The following NR5A2 variants were observed in gnomAD, a reference collection of about 807,000 sequenced individuals.
NR5A2 encodes the protein CYP7A promoter-binding factor.
A neutral mutation model predicts 62.7 loss-of-function variants in NR5A2; 26 were observed. That is an observed-to-expected ratio of 0.41 (90% CI 0.30 to 0.58). NR5A2 has a LOEUF of 0.58. Among genes scored for constraint, NR5A2 ranks in the 20% least tolerant of loss-of-function variants. NR5A2 has a pLI of 0.22. For missense variants in NR5A2, 541 were observed against 669.1 expected, an observed-to-expected ratio of 0.81 and a Z score of 2.11; for synonymous variants, 246 against 241.7, an observed-to-expected ratio of 1.02 and a Z score of -0.16.
intron 7 of NR5A2, among the ~76,000 whole-genome samples, chr1:200,158,738 A>G (rs1047914181): frequency 6.6e-6 from 1 of 152,278 alleles, no homozygotes; most frequent in Non-Finnish European, 1.5e-5. Flanking sequence ...CAATTTCCGA[A>G]GTAGCATAGA....
At chr1:200,096,179 T>C (rs536820955) in intron 5 of NR5A2, among the ~76,000 whole-genome samples, 6 of 152,114 alleles carry the variant, frequency 3.9e-5, no homozygotes, top group Middle Eastern at 3.4e-3. Context: ...CCTCTGCCTC[T>C]GGGGTTCAAG....
At chr1:200,036,800 G>C (rs908920473) in intron 1 of NR5A2, among the ~76,000 whole-genome samples, 1 of 152,126 alleles carries the variant, frequency 6.6e-6, no homozygotes, top group African/African-American at 2.4e-5. Context: ...GTTTTCTCTC[G>C]CTCGAGACTT....
At chr1:200,041,156 G>C (rs1264323832) in intron 2 of NR5A2, among the ~76,000 whole-genome samples, 1 of 152,182 alleles carries the variant, frequency 6.6e-6, no homozygotes, top group Non-Finnish European at 1.5e-5. Flanking sequence ...GGGTGAGGCC[G>C]GCACGATTCT....
chr1:200,104,016 A>G (rs1457937842), intron 5 of NR5A2, among the ~76,000 whole-genome samples: 2 of 152,172 alleles, frequency 1.3e-5, no homozygotes, highest in Admixed American at 1.3e-4. Flanking sequence ...TAGAAAAGAG[A>G]GAGTCCAGAT....
chr1:200,142,185 CTTCTTTTTTT>C lies in NR5A2; in HGVS notation c.1378+21233_1378+21242del, dbSNP rs1440686408. ...GAATAATTGTTTTTTGTTTTAAAGA[CTTCTTTTTTT>C]TTTTTTTTTTTTTTTTTTTTTTAAG... On this transcript the variant is annotated intron_variant, in intron 7 of 7. Transcript: ENST00000367362. 5.8e-5 allele frequency among the ~76,000 whole-genome samples: 5 copies of C among 86,620 alleles called. No homozygotes were observed. In the South Asian group the frequency reaches 1.6e-3, roughly 28 times the overall value. 56.8% of individuals were successfully genotyped at this position (86,620 alleles called of 152,430 possible).
rs76894039 is a variant in NR5A2 at position 200,111,336 on chromosome 1, CA to C, written c.1230+30del. 0.12 allele frequency: 160,994 copies of C among 1,296,592 alleles called. 39 individuals are homozygous for C. Among genetic ancestry groups the C allele is most frequent in the South Asian group, 0.17 (11,279 of 65,660 alleles). 80.3% of individuals were successfully genotyped at this position (1,296,592 alleles called of 1,614,324 possible). On this transcript the variant is annotated intron_variant, in intron 6 of 7. Transcript: ENST00000367362. ...CTGGGCAACAAGTGAGTGTAGAGAC[CA>C]AAAAAAAAAAAAAAGCATCTTTTTA...
At chr1:200,074,401 GAAAAGAAAAAA>G (rs573052475) in intron 5 of NR5A2, among the ~76,000 whole-genome samples, 1,933 of 104,328 alleles carry the variant, frequency 0.019, 39 homozygotes, top group African/African-American at 0.061. Flanking sequence ...TAATCTAAAA[GAAAAGAAAAAA>G]AAAAGAAAAA....
In NR5A2 at chr1:200,174,246, AAG is replaced by A; in HGVS notation, c.*40_*41del. 6.7e-7 allele frequency: 1 copy of A among 1,499,080 alleles called. No homozygotes were observed. Among genetic ancestry groups the A allele is most frequent in the Non-Finnish European group, 8.9e-7 (1 of 1,122,834 alleles). 92.9% of individuals were successfully genotyped at this position (1,499,080 alleles called of 1,614,324 possible). A position where few individuals can be genotyped will look rare whatever the true frequency, so the allele number is the denominator to read the frequency against. ...CTAGGAGCTCTGCTTTCAAAACAAA[AAG>A]AGATTGGGGGAGTGGGGAGGGGGAA... On this transcript the variant is annotated 3_prime_UTR_variant, in exon 8 of 8. Coordinates refer to ENST00000367362, the MANE Select transcript of NR5A2 (RefSeq NM_205860.3).
chr1:200,082,249 A>G (rs1025395273), intron 5 of NR5A2, among the ~76,000 whole-genome samples: 4 of 152,274 alleles, frequency 2.6e-5, no homozygotes, highest in African/African-American at 9.6e-5. Context: ...AAAGATGCTT[A>G]AAACAGACTT....
At chr1:200,113,084 A>G (rs1666036868) in intron 6 of NR5A2, among the ~76,000 whole-genome samples, 2 of 152,378 alleles carry the variant, frequency 1.3e-5, no homozygotes, top group South Asian at 4.1e-4. Context: ...AAGAACAATC[A>G]AGGAATGGAT....
chr1:200,128,876 T>C (rs1385066305), intron 7 of NR5A2, among the ~76,000 whole-genome samples: 1 of 152,220 alleles, frequency 6.6e-6, no homozygotes, highest in African/African-American at 2.4e-5. Context: ...TAAAAGTCTT[T>C]TAGATAGGGA....
chr1:200,174,250 G>A lies in NR5A2; in HGVS notation c.*40G>A. 3 of 1,476,712 alleles carry A rather than the reference G, an allele frequency of 2.0e-6. No homozygotes were observed. Among genetic ancestry groups the A allele is most frequent in the Non-Finnish European group, 9.0e-7 (1 of 1,111,522 alleles). The allele number at this position is 1,476,712 out of a possible 1,614,324, so 91.5% of individuals were successfully genotyped here. A position where few individuals can be genotyped will look rare whatever the true frequency, so the allele number is the denominator to read the frequency against. On this transcript the variant is annotated 3_prime_UTR_variant, in exon 8 of 8. Transcript: ENST00000367362. Reference sequence around the variant, plus strand: ...GAGCTCTGCTTTCAAAACAAAAAGAGATTGGGGGAGTGGGGAGGGGGAAGA... The same window carrying A: ...GAGCTCTGCTTTCAAAACAAAAAGAAATTGGGGGAGTGGGGAGGGGGAAGA...
intron 5 of NR5A2, among the ~76,000 whole-genome samples, chr1:200,051,919 C>T (rs746605791): frequency 4.6e-5 from 7 of 151,948 alleles, no homozygotes; most frequent in East Asian, 1.9e-4. Context: ...ATCACACGGG[C>T]GCACACACAC....
Position 200,166,473 on chromosome 1 carries a change from G to A in NR5A2, c.1379-7490G>A, listed in dbSNP as rs1256454252. The stretch of plus-strand genomic sequence containing the variant: ...TTACATGCCAATTTAAATGTCAAAT[G>A]TATATTATTTCATTCAAATTATCTG... On this transcript the variant is annotated intron_variant, in intron 7 of 7. Transcript: ENST00000367362. Among the ~76,000 whole-genome samples the A allele has an allele frequency of 5.9e-5, 9 of 152,166 alleles. No homozygotes were observed. The South Asian group carries it at 1.5e-3, about 25-fold the overall frequency.
intron 5 of NR5A2, among the ~76,000 whole-genome samples, chr1:200,089,399 G>A (rs1031497779): frequency 6.6e-6 from 1 of 152,064 alleles, no homozygotes; most frequent in Non-Finnish European, 1.5e-5. Context: ...GTCCTCAAGT[G>A]ATCCGCCTCA....
Position 200,174,667 on chromosome 1 carries a change from A to G in NR5A2, c.*457A>G, listed in dbSNP as rs1387505343. On this transcript the variant is annotated 3_prime_UTR_variant, in exon 8 of 8. Coordinates refer to ENST00000367362, the MANE Select transcript of NR5A2 (RefSeq NM_205860.3). ...AGCTGAACTGAAACAATTCTCAAGA[A>G]TGCATCAGCTGTACCTACAATAGCC... 2 of 153,012 alleles carry G rather than the reference A, an allele frequency of 1.3e-5. No individual in the cohort carries two copies. The highest frequency in any genetic ancestry group is 4.8e-5 in the African/African-American group (2 of 41,458). 9.5% of individuals were successfully genotyped at this position (153,012 alleles called of 1,614,324 possible). A position where few individuals can be genotyped will look rare whatever the true frequency, so the allele number is the denominator to read the frequency against.
intron 5 of NR5A2, among the ~76,000 whole-genome samples, chr1:200,063,565 A>C (rs183906517): frequency 3.3e-5 from 5 of 152,174 alleles, no homozygotes; most frequent in African/African-American, 1.2e-4. Context: ...TTATCAATGA[A>C]GTGTTATAAT....
chr1:200,044,722 T>C (rs1463121426), intron 3 of NR5A2, among the ~76,000 whole-genome samples: 1 of 152,158 alleles, frequency 6.6e-6, no homozygotes, highest in African/African-American at 2.4e-5. Context: ...GGGTTAAATA[T>C]GAATACTATC....
At chr1:200,090,976 C>T (rs1467979627) in intron 5 of NR5A2, among the ~76,000 whole-genome samples, 7 of 152,182 alleles carry the variant, frequency 4.6e-5, no homozygotes, top group Non-Finnish European at 8.8e-5. Flanking sequence ...ACCACATTGA[C>T]TGGCTTTTAA....
Sources: allele counts gnomAD v4.1 joint callset (sites outside exome capture counted in the v4.1 genomes callset), GRCh38; gene constraint gnomAD v4.1.1; transcripts MANE v1.5; gene names NCBI Gene and HGNC (gene_info 2026-07-23, HGNC 2026-07-21).